RILPL1: variants seen among roughly 807,000 people sequenced by gnomAD.
RILPL1 encodes Rab interacting lysosomal protein like 1.
RILPL1 carries 33 observed loss-of-function variants against 50.3 expected under a neutral mutation model. The ratio of observed to expected loss-of-function variants is 0.66; its 90% CI spans 0.50 to 0.88. The LOEUF is 0.88. Ranked by LOEUF, RILPL1 falls within the 40% of genes least tolerant of loss-of-function variation. The pLI, the probability that RILPL1 is intolerant of heterozygous loss-of-function variation, is 0.00. For missense variants in RILPL1, 418 were observed against 542.5 expected (o/e 0.77, Z 2.28); for synonymous variants, 205 against 228.6 (o/e 0.90, Z 0.93).
chr12:123,482,405 G>A (rs1264386900), intron 6 of RILPL1, among the ~76,000 whole-genome samples: 2 of 152,042 alleles, frequency 1.3e-5, no homozygotes, highest in South Asian at 2.1e-4. Context: ...GAAGGGAGTC[G>A]TGCACCAGCC....
chr12:123,477,987 C>CTT lies in RILPL1; in HGVS notation c.1068-5307_1068-5306dup, dbSNP rs56296800. On this transcript the variant is annotated intron_variant, in intron 6 of 6. Transcript: ENST00000376874. Reference sequence around the variant, plus strand: ...TGACTGAGTTACTCCATCTGTATGTCTTTTTTTTTTTTTTTTTTTTTTTTT... The same window carrying CTT: ...TGACTGAGTTACTCCATCTGTATGTCTTTTTTTTTTTTTTTTTTTTTTTTTTT... Among the ~76,000 whole-genome samples the CTT allele has an allele frequency of 8.0e-3, 328 of 41,176 alleles. 38 individuals are homozygous for CTT. The highest frequency in any genetic ancestry group is 0.031 in the African/African-American group (319 of 10,300). 27.0% of individuals were successfully genotyped at this position (41,176 alleles called of 152,430 possible). A position where few individuals can be genotyped will look rare whatever the true frequency, so the allele number is the denominator to read the frequency against.
intron 1 of RILPL1, among the ~76,000 whole-genome samples, chr12:123,531,483 G>C (rs532488407): frequency 6.6e-6 from 1 of 152,130 alleles, no homozygotes; most frequent in Non-Finnish European, 1.5e-5. Flanking sequence ...GGCGCCACAC[G>C]AGAGAATTTC....
intron 2 of RILPL1, chr12:123,513,452 C>G (rs960906073): frequency 1.9e-5 from 5 of 265,634 alleles, no homozygotes; most frequent in Non-Finnish European, 4.1e-5. Context: ...TGTGGAAGCC[C>G]AGCAGCCTCA....
At chr12:123,481,184 C>T (rs1280013233) in intron 6 of RILPL1, among the ~76,000 whole-genome samples, 2 of 151,914 alleles carry the variant, frequency 1.3e-5, no homozygotes, top group Non-Finnish European at 2.9e-5. Flanking sequence ...TGGTGAAACT[C>T]CGTCTCTACT....
intron 2 of RILPL1, among the ~76,000 whole-genome samples, chr12:123,500,931 C>A (rs968908514): frequency 7.9e-5 from 12 of 151,402 alleles, no homozygotes; most frequent in Non-Finnish European, 1.8e-4. Context: ...ATGGTGAAAC[C>A]CTCTCTGCTA....
intron 1 of RILPL1, among the ~76,000 whole-genome samples, chr12:123,529,463 G>C (rs1309631085): frequency 4.6e-5 from 7 of 152,118 alleles, no homozygotes; most frequent in Non-Finnish European, 1.0e-4. Context: ...TTTTAGTAGG[G>C]ATGAGGTTTT....
At chr12:123,496,502 C>T (rs1883044159) in intron 4 of RILPL1, among the ~76,000 whole-genome samples, 1 of 152,202 alleles carries the variant, frequency 6.6e-6, no homozygotes, top group Non-Finnish European at 1.5e-5. Context: ...GTTACTAGTG[C>T]AGCGTCTGCA....
At chr12:123,504,323 C>A (rs945608136) in intron 2 of RILPL1, among the ~76,000 whole-genome samples, 2 of 151,884 alleles carry the variant, frequency 1.3e-5, no homozygotes, top group Non-Finnish European at 2.9e-5. Context: ...GCATGACTTT[C>A]CCCCCCGGGT....
Position 123,516,405 on chromosome 12 carries a change from A to C in RILPL1, c.460+7090T>G, listed in dbSNP as rs527510800. The stretch of plus-strand genomic sequence containing the variant: ...CCAGACTCCCCAGGGGCTAAGGCTG[A>C]GGCCACCCTGCCGGACTCTGCTGAG... On this transcript the variant is annotated intron_variant, in intron 2 of 6. Coordinates refer to ENST00000376874, the MANE Select transcript of RILPL1 (RefSeq NM_178314.5). Among the ~76,000 whole-genome samples the C allele has an allele frequency of 2.0e-5, 3 of 152,368 alleles. No individual in the cohort carries two copies. The South Asian group carries it at 6.2e-4, about 32-fold the overall frequency.
At position 123,491,012 on chromosome 12, in the gene RILPL1, A is replaced by G. The variant is rs889628992; in HGVS notation, c.802-5207T>C. ...TGATCCGCCTGCCTCAGCCTCCCAA[A>G]GTGTTGGGATTACAGGCGTGAGCCA... On this transcript the variant is annotated intron_variant, in intron 4 of 6. Transcript: ENST00000376874. The surrounding 1 kb of genome is among the most constrained non-coding windows in gnomAD (Gnocchi z 4.0). Among the ~76,000 whole-genome samples the G allele has an allele frequency of 6.6e-6, 1 of 152,144 alleles. No homozygotes were observed. The highest frequency in any genetic ancestry group is 1.5e-5 in the Non-Finnish European group (1 of 68,006).
At chr12:123,500,285 T>C (rs1362568532) in intron 2 of RILPL1, among the ~76,000 whole-genome samples, 1 of 142,346 alleles carries the variant, frequency 7.0e-6, no homozygotes, top group South Asian at 2.3e-4. Flanking sequence ...TTTCTTTTTT[T>C]TTTTTTTTTT....
rs1263276474 is a variant in RILPL1 at position 123,491,122 on chromosome 12, C to G, written c.802-5317G>C. The stretch of plus-strand genomic sequence containing the variant: ...GGGCTCCAGCTTCTCGAGAGGCCAC[C>G]AGGCAGTGACCGCAGGGCCACGGGC... On this transcript the variant is annotated intron_variant, in intron 4 of 6. Coordinates refer to ENST00000376874, the MANE Select transcript of RILPL1 (RefSeq NM_178314.5). The surrounding 1 kb of genome is among the most constrained non-coding windows in gnomAD (Gnocchi z 4.0). 6.6e-6 allele frequency among the ~76,000 whole-genome samples: 1 copy of G among 152,226 alleles called. No homozygotes were observed. Among genetic ancestry groups the G allele is most frequent in the Non-Finnish European group, 1.5e-5 (1 of 68,046 alleles).
intron 2 of RILPL1, among the ~76,000 whole-genome samples, chr12:123,505,844 C>T (rs1370665165): frequency 6.6e-6 from 1 of 152,146 alleles, no homozygotes; most frequent in Non-Finnish European, 1.5e-5. Context: ...AGGCTGATCT[C>T]AAACTCCTGG....
intron 4 of RILPL1, among the ~76,000 whole-genome samples, chr12:123,490,420 A>G (rs1337119643): frequency 6.6e-6 from 1 of 152,042 alleles, no homozygotes; most frequent in East Asian, 1.9e-4. Context: ...AGCCACAGGA[A>G]TTTTCTGCTC....
rs1275932083 is a variant in RILPL1 at position 123,471,481 on chromosome 12, C to G, written c.*1057G>C. 2.6e-5 allele frequency: 4 copies of G among 152,240 alleles called. No individual in the cohort carries two copies. The highest frequency in any genetic ancestry group is 9.7e-5 in the African/African-American group (4 of 41,442). 9.4% of individuals were successfully genotyped at this position (152,240 alleles called of 1,614,324 possible). On this transcript the variant is annotated 3_prime_UTR_variant, in exon 7 of 7. Coordinates refer to ENST00000376874, the MANE Select transcript of RILPL1 (RefSeq NM_178314.5). ...TCGCTCAATCTGTGAGCAACCAGCC[C>G]TGTGCCCTGGATGCTTGGCGGGTGG...
At chr12:123,486,054 C>T (rs1410122603) in intron 4 of RILPL1, among the ~76,000 whole-genome samples, 1 of 152,172 alleles carries the variant, frequency 6.6e-6, no homozygotes, top group Non-Finnish European at 1.5e-5. Flanking sequence ...CACCTCCCCA[C>T]CCGACTTGGG....
Position 123,518,367 on chromosome 12 carries a change from C to T in RILPL1, c.460+5128G>A, listed in dbSNP as rs141716858. 7.2e-3 allele frequency: 3,035 copies of T among 421,476 alleles called. 88 individuals carry two copies. Among genetic ancestry groups the T allele is most frequent in the African/African-American group, 0.057 (2,716 of 47,670 alleles). The allele number at this position is 421,476 out of a possible 1,614,324, so 26.1% of individuals were successfully genotyped here. A position where few individuals can be genotyped will look rare whatever the true frequency, so the allele number is the denominator to read the frequency against. On this transcript the variant is annotated intron_variant, in intron 2 of 6. Coordinates refer to ENST00000376874, the MANE Select transcript of RILPL1 (RefSeq NM_178314.5). Reference sequence around the variant, plus strand: ...CAAAAAAATTTAAAACTTAGCCAGGCGTGGTGGTGCACACCTGTCATCCCA... The same window carrying T: ...CAAAAAAATTTAAAACTTAGCCAGGTGTGGTGGTGCACACCTGTCATCCCA...
At position 123,498,092 on chromosome 12, in the gene RILPL1, T is replaced by C. The variant is rs1173668439; in HGVS notation, c.801+452A>G. Among the ~76,000 whole-genome samples, 1 of 152,196 alleles carries C rather than the reference T, an allele frequency of 6.6e-6. No individual in the cohort carries two copies. Among genetic ancestry groups the C allele is most frequent in the East Asian group, 1.9e-4 (1 of 5,200 alleles). ...TCATTGGTATGAATGAATAAATAAA[T>C]GGCAGGTGCCTAATAACCATCACTG... On this transcript the variant is annotated intron_variant, in intron 4 of 6. Transcript: ENST00000376874. This position sits in a 1 kb window ranked among gnomAD's most constrained non-coding sequence, Gnocchi z 4.3.
At chr12:123,516,555 G>C (rs967505963) in intron 2 of RILPL1, among the ~76,000 whole-genome samples, 1 of 152,228 alleles carries the variant, frequency 6.6e-6, no homozygotes, top group Non-Finnish European at 1.5e-5. Context: ...AGTTGCGTGG[G>C]AATCCCTGTC....
Sources: gnomAD v4.1 joint callset for allele counts (sites outside exome capture counted in the v4.1 genomes callset) on GRCh38, gnomAD v4.1.1 for gene constraint, Gnocchi (gnomAD v3.1) non-coding constraint, MANE v1.5 for transcripts, NCBI Gene and HGNC (gene_info 2026-07-23, HGNC 2026-07-21) for gene names.